TAB2: variants seen among roughly 807,000 people sequenced by gnomAD.
The protein encoded by TAB2 is TGF-beta-activated kinase 1 and MAP3K7-binding protein 2.
Under a neutral mutation model 65.0 loss-of-function variants are expected in TAB2, and 3 were observed. That is an observed-to-expected ratio of 0.05 (90% CI 0.02 to 0.12). The LOEUF (loss-of-function observed/expected upper bound fraction) is 0.12, where lower values mean the gene tolerates loss of function less well. Ranked by LOEUF, TAB2 falls within the 10% of genes least tolerant of loss-of-function variation. TAB2 has a pLI of 1.00. For synonymous variants in TAB2, 298 were observed against 285.1 expected (o/e 1.05, Z -0.46); for missense variants, 623 against 840.3 (o/e 0.74, Z 3.20).
At chr6:149,314,429 C>G (rs1454666453), upstream of TAB2, among the ~76,000 whole-genome samples, 1 of 152,206 alleles carries the variant, frequency 6.6e-6, no homozygotes, top group African/African-American at 2.4e-5. Context: ...TTAACAGATA[C>G]ACAGAATGAA....
intron 6 of TAB2, among the ~76,000 whole-genome samples, chr6:149,403,651 CT>C (rs978113951): frequency 6.6e-6 from 1 of 151,900 alleles, no homozygotes; most frequent in African/African-American, 2.4e-5. Flanking sequence ...TACCCACATG[CT>C]TTCTGTATAG....
Position 149,339,592 on chromosome 6 carries a change from TATTTA to T in TAB2, c.-90+21578_-90+21582del, listed in dbSNP as rs1285963542. ...GGCCCAATAATTAATCTTTTTTATT[TATTTA>T]TTTATTTATTTTTTTTTTTTTTTGA... On this transcript the variant is annotated intron_variant, in intron 1 of 6. Transcript: ENST00000637181. 1.9e-4 allele frequency among the ~76,000 whole-genome samples: 26 copies of T among 138,038 alleles called. 2 individuals are homozygous for T. The highest frequency in any genetic ancestry group is 7.2e-3 in the Middle Eastern group (2 of 276). 90.6% of individuals were successfully genotyped at this position (138,038 alleles called of 152,430 possible).
intron 1 of TAB2, among the ~76,000 whole-genome samples, chr6:149,328,563 A>T (rs1206899851): frequency 6.6e-6 from 1 of 152,200 alleles, no homozygotes; most frequent in Non-Finnish European, 1.5e-5. Context: ...AAGTGCTGGG[A>T]TTACAGGCAC....
rs201870032 is a variant in TAB2, at chr6:149,276,285, T to G, written c.-121+57509T>G. Among the ~76,000 whole-genome samples the G allele has an allele frequency of 1.5e-3, 231 of 152,318 alleles. 3 individuals are homozygous for G. The highest frequency in any genetic ancestry group is 3.4e-3 in the Middle Eastern group (1 of 294). On this transcript the variant is annotated intron_variant, in intron 1 of 1. Coordinates refer to the TAB2 transcript ENST00000606202. ...TATCACAAAGGCAGATATAGCTTAG[T>G]GGTAATAATGTCTGGAAAGAGTATT...
intron 6 of TAB2, among the ~76,000 whole-genome samples, chr6:149,407,641 G>A (rs1468209767): frequency 6.6e-6 from 1 of 152,024 alleles, no homozygotes; most frequent in Non-Finnish European, 1.5e-5. Flanking sequence ...TAGAAATTTA[G>A]TCCTTGAAGT....
At chr6:149,403,269 TATATATATATATATACACACAC>T (rs1562456266) in intron 6 of TAB2, among the ~76,000 whole-genome samples, 35 of 47,790 alleles carry the variant, frequency 7.3e-4, no homozygotes, top group African/African-American at 3.3e-3. Context: ...TATATATATA[TATATATATATATATACACACAC>T]ACACATATAT....
At chr6:149,248,424 A>G (rs200413612) in intron 1 of TAB2, among the ~76,000 whole-genome samples, 2 of 31,062 alleles carry the variant, frequency 6.4e-5, no homozygotes, top group African/African-American at 2.0e-4. Flanking sequence ...AAAGAAAAAG[A>G]AAGAAAGGAA....
chr6:149,336,674 G>T (rs748590743), intron 1 of TAB2, among the ~76,000 whole-genome samples: 16 of 152,136 alleles, frequency 1.1e-4, no homozygotes, highest in Non-Finnish European at 1.9e-4. Flanking sequence ...ATTGGAATTG[G>T]TTTTGAAGAG....
intron 1 of TAB2, among the ~76,000 whole-genome samples, chr6:149,260,293 G>T (rs1377159172): frequency 6.6e-6 from 1 of 152,204 alleles, no homozygotes; most frequent in Admixed American, 6.5e-5. Context: ...CCAAGAAGTG[G>T]GTTTGGAACG....
chr6:149,298,127 T>A (rs1245275685), intron 1 of TAB2, among the ~76,000 whole-genome samples: 1 of 152,006 alleles, frequency 6.6e-6, no homozygotes, highest in Non-Finnish European at 1.5e-5. Context: ...TGAAAAAAAA[T>A]TAAGCAGTCT....
At chr6:149,396,500 G>C (rs1782177059) in intron 3 of TAB2, among the ~76,000 whole-genome samples, 1 of 152,204 alleles carries the variant, frequency 6.6e-6, no homozygotes, top group South Asian at 2.1e-4. Flanking sequence ...TATTTCTAGA[G>C]GTTGTTTAAA....
intron 1 of TAB2, chr6:149,257,540 CAG>C (rs1778063499): frequency 6.6e-6 from 1 of 152,148 alleles, no homozygotes; most frequent in African/African-American, 2.4e-5. Context: ...GCCAGGCTTT[CAG>C]GGAGCTTCCA....
intron 5 of TAB2, among the ~76,000 whole-genome samples, 188 bp from the exon 6 acceptor site, chr6:149,398,916 C>T (rs1782268598): frequency 1.3e-5 from 2 of 152,090 alleles, no homozygotes; most frequent in South Asian, 4.1e-4. Context: ...ATGAGTACTA[C>T]ATTATACCTA....
At chr6:149,283,146 CCAGCTCCCCT>C (rs1778605993) in intron 1 of TAB2, among the ~76,000 whole-genome samples, 2 of 152,204 alleles carry the variant, frequency 1.3e-5, no homozygotes, top group Admixed American at 1.3e-4. Context: ...ACACCGTTCA[CCAGCTCCCCT>C]CTGCTCTCCC....
intron 1 of TAB2, among the ~76,000 whole-genome samples, chr6:149,309,833 T>C (rs1779136889): frequency 1.3e-5 from 2 of 152,126 alleles, no homozygotes; most frequent in South Asian, 2.1e-4. Context: ...CTCTCTCCTT[T>C]AGTTTCCCAT....
intron 6 of TAB2, among the ~76,000 whole-genome samples, chr6:149,404,977 C>T (rs1313092970): frequency 1.3e-5 from 2 of 152,120 alleles, no homozygotes; most frequent in Non-Finnish European, 2.9e-5. Context: ...GAAAAGGCAT[C>T]CTTCAGAAAG....
chr6:149,307,941 C>T (rs1259545425), intron 1 of TAB2, among the ~76,000 whole-genome samples: 1 of 152,182 alleles, frequency 6.6e-6, no homozygotes, highest in Non-Finnish European at 1.5e-5. Context: ...TTCAGACAAA[C>T]ACCCACATTT....
At chr6:149,228,478 C>T (rs1777331422) in intron 1 of TAB2, among the ~76,000 whole-genome samples, 1 of 152,172 alleles carries the variant, frequency 6.6e-6, no homozygotes, top group Non-Finnish European at 1.5e-5. Context: ...CTGACTTCCT[C>T]ACACTGTGAA....
At chr6:149,373,962 C>A (rs758369793) in intron 2 of TAB2, among the ~76,000 whole-genome samples, 8 of 152,180 alleles carry the variant, frequency 5.3e-5, no homozygotes, top group Admixed American at 1.3e-4. Flanking sequence ...CAACTTGAAG[C>A]TGTTCCCAGT....
Sources: gnomAD v4.1 joint callset for allele counts (sites outside exome capture counted in the v4.1 genomes callset) on GRCh38, gnomAD v4.1.1 for gene constraint, MANE v1.5 for transcripts, NCBI Gene and HGNC (gene_info 2026-07-23, HGNC 2026-07-21) for gene names.